The following DMD variants were observed in gnomAD, a reference collection of about 807,000 sequenced individuals.
DMD encodes the protein dystrophin.
DMD carries 63 observed loss-of-function variants against 330.1 expected under a neutral mutation model. The ratio of observed to expected loss-of-function variants is 0.19; its 90% CI spans 0.16 to 0.24. The LOEUF (loss-of-function observed/expected upper bound fraction) is 0.24, where lower values mean the gene tolerates loss of function less well. DMD is among the 10% of genes least tolerant of loss of function. The pLI, the probability that DMD is intolerant of heterozygous loss-of-function variation, is 1.00. For missense variants in DMD, 3,344 were observed against 2,684.1 expected (o/e 1.25, Z -5.43); for synonymous variants, 1,223 against 959.8 (o/e 1.27, Z -5.07).
chrX:31,286,430 G>A (rs1177433503), intron 62 of DMD, among the ~76,000 whole-genome samples: 3 of 112,080 alleles, frequency 2.7e-5, no homozygotes, highest in Admixed American at 9.4e-5. Context: ...GATATAAGAC[G>A]ATAGGTTAAA....
chrX:33,233,394 C>A (rs1195428397), intron 1 of DMD, among the ~76,000 whole-genome samples: 1 of 111,687 alleles, frequency 9.0e-6, no homozygotes, highest in Non-Finnish European at 1.9e-5. Context: ...ACAACAATAT[C>A]TCTCAGTCAG....
chrX:31,132,691 C>T (rs1046194053), intron 77 of DMD, among the ~76,000 whole-genome samples: 4 of 110,772 alleles, frequency 3.6e-5, no homozygotes, highest in African/African-American at 1.3e-4. Flanking sequence ...TCTTTCCATC[C>T]CTACTACCTC....
intron 1 of DMD, among the ~76,000 whole-genome samples, chrX:33,145,988 G>A (rs1260364620): frequency 9.0e-6 from 1 of 110,741 alleles, no homozygotes; most frequent in African/African-American, 3.3e-5. Context: ...CTGGGTTCAA[G>A]CAATTCTCCT....
At chrX:32,641,979 T>A (rs1178660161) in intron 11 of DMD, among the ~76,000 whole-genome samples, 3 of 111,788 alleles carry the variant, frequency 2.7e-5, no homozygotes, top group African/African-American at 6.5e-5. Context: ...TATAATTTAT[T>A]TGAAGCATTA....
rs141897456 is a variant in DMD, at chrX:32,626,774, G to A, written c.1332-12321C>T. Among the ~76,000 whole-genome samples the A allele has an allele frequency of 8.3e-3, 854 of 103,359 alleles. 159 individuals are homozygous for A. The highest frequency in any genetic ancestry group is 0.033 in the African/African-American group (797 of 24,068). 89.8% of individuals were successfully genotyped at this position (103,359 alleles called of 115,157 possible). On this transcript the variant is annotated intron_variant, in intron 11 of 78. Coordinates refer to ENST00000357033, the MANE Select transcript of DMD (RefSeq NM_004006.3). The stretch of plus-strand genomic sequence containing the variant: ...ATGTATACCTATGTATCAAACCTGC[G>A]AGTTGTGCACATGCATCCTAGAAAT...
intron 9 of DMD, among the ~76,000 whole-genome samples, chrX:32,697,471 T>C (rs1455826955): frequency 1.8e-5 from 2 of 111,979 alleles, no homozygotes; most frequent in African/African-American, 3.2e-5. Context: ...TGTATTTCCT[T>C]TACGTAGATC....
chrX:31,942,945 G>A (rs2095026004), intron 45 of DMD, among the ~76,000 whole-genome samples: 1 of 111,905 alleles, frequency 8.9e-6, no homozygotes, highest in South Asian at 3.7e-4. Flanking sequence ...TGTGTGTATG[G>A]GAGGCAGGTT....
rs1336771523 is a variant in DMD at position 32,554,981 on chromosome X, G to GAA, written c.1993-9648_1993-9647insTT. 1.5e-3 allele frequency among the ~76,000 whole-genome samples: 164 copies of GAA among 106,014 alleles called. 1 individual carries two copies. Among genetic ancestry groups the GAA allele is most frequent in the African/African-American group, 5.2e-3 (152 of 29,482 alleles). The allele number at this position is 106,014 out of a possible 115,157, so 92.1% of individuals were successfully genotyped here. On this transcript the variant is annotated intron_variant, in intron 16 of 78. Transcript: ENST00000357033. ...AGAGAAAGAAAGAGAGAGAGAGAGAGAGAAAGAAAGAGAGAAAGAAAGAAA... is the reference window on the plus strand; with the variant it reads ...AGAGAAAGAAAGAGAGAGAGAGAGAGAAAGAAAGAAAGAGAGAAAGAAAGAAA...
intron 62 of DMD, among the ~76,000 whole-genome samples, chrX:31,307,983 G>A (rs2055175890): frequency 9.0e-6 from 1 of 111,375 alleles, no homozygotes; most frequent in Non-Finnish European, 1.9e-5. Flanking sequence ...CAGATCATCA[G>A]GCATTAGTTT....
In DMD at chrX:31,249,645, G is replaced by T. The variant is rs2049154806; in HGVS notation, c.9286+11310C>A. Among the ~76,000 whole-genome samples the T allele has an allele frequency of 4.5e-5, 5 of 111,307 alleles. No individual in the cohort carries two copies. In the South Asian group the frequency reaches 1.9e-3, roughly 42 times the overall value. Reference sequence around the variant, plus strand: ...CTTTCCAAAAGTTAGGATAAATTGTGATCAGGTGATCTTTATCACCTTGGT... The same window carrying T: ...CTTTCCAAAAGTTAGGATAAATTGTTATCAGGTGATCTTTATCACCTTGGT... On this transcript the variant is annotated intron_variant, in intron 63 of 78. Transcript: ENST00000357033.
intron 39 of DMD, among the ~76,000 whole-genome samples, chrX:32,344,750 T>C (rs1057433086): frequency 9.0e-6 from 1 of 111,638 alleles, no homozygotes; most frequent in Non-Finnish European, 1.9e-5. Context: ...GAATGCCAGA[T>C]GACCATTAAA....
At chrX:32,883,823 CAAAAAAAAAAAAAAA>C (rs56150142) in intron 2 of DMD, among the ~76,000 whole-genome samples, 29 of 30,339 alleles carry the variant, frequency 9.6e-4, no homozygotes, top group African/African-American at 3.0e-3. Flanking sequence ...GACTCTGTTT[CAAAAAAAAAAAAAAA>C]AAAAAAAAAA....
In DMD at chrX:32,472,176, G is replaced by A. The variant is rs774450833; in HGVS notation, c.2937C>T (p.Leu979=). ...AATATTCACAGACCTGCAATTCCCC[G>A]AGTCTCTGCTCCATGATTTCATAGT... ...VTDYEIMEQR[L]GELQALQSSL... The change falls in exon 22 of 79, where the codon CTC becomes CTT. Residue 979 remains leucine (L), a synonymous_variant. Transcript: ENST00000357033. 6.6e-6 allele frequency: 8 copies of A among 1,209,239 alleles called. No homozygotes were observed. In the African/African-American group the frequency reaches 1.1e-4, roughly 16 times the overall value.
At chrX:31,954,805 T>C (rs1287908439) in intron 45 of DMD, among the ~76,000 whole-genome samples, 1 of 110,165 alleles carries the variant, frequency 9.1e-6, no homozygotes, top group East Asian at 2.8e-4. Context: ...AACTGTATAC[T>C]TAAAAATGGT....
rs200765962 is a variant in DMD at position 31,425,816 on chromosome X, GA to G, written c.9084+18664del. 5.8e-3 allele frequency among the ~76,000 whole-genome samples: 647 copies of G among 111,135 alleles called. 7 individuals are homozygous for G. The highest frequency in any genetic ancestry group is 0.016 in the African/African-American group (473 of 30,479). The stretch of plus-strand genomic sequence containing the variant: ...TGGGAAGCCATCTTGGGACCATGAG[GA>G]AAAAGACAAGAGAATCCCAGAGAAG... On this transcript the variant is annotated intron_variant, in intron 60 of 78. Transcript: ENST00000357033.
intron 34 of DMD, among the ~76,000 whole-genome samples, chrX:32,377,408 C>T (rs1329910690): frequency 9.0e-6 from 1 of 111,520 alleles, no homozygotes; most frequent in Non-Finnish European, 1.9e-5. Flanking sequence ...TTTGAGTTGT[C>T]GATGGTGAGT....
chrX:31,414,415 G>T (rs2061778722), intron 60 of DMD, among the ~76,000 whole-genome samples: 3 of 112,126 alleles, frequency 2.7e-5, no homozygotes, highest in Admixed American at 1.9e-4. Flanking sequence ...GCCAAGTAGT[G>T]AACATACAGC....
At chrX:31,124,814 A>C (rs2033397015) in intron 78 of DMD, among the ~76,000 whole-genome samples, 2 of 111,959 alleles carry the variant, frequency 1.8e-5, no homozygotes, top group Admixed American at 9.5e-5. Flanking sequence ...CCAAGACCTC[A>C]ATAGCAATCT....
intron 44 of DMD, among the ~76,000 whole-genome samples, chrX:32,209,791 T>G (rs1030387172): frequency 8.9e-6 from 1 of 111,957 alleles, no homozygotes; most frequent in Non-Finnish European, 1.9e-5. Context: ...GTTTTTTTGT[T>G]CTTGCTTCTT....
Sources: allele counts gnomAD v4.1 joint callset (sites outside exome capture counted in the v4.1 genomes callset), GRCh38; gene constraint gnomAD v4.1.1; transcripts MANE v1.5; gene names NCBI Gene and HGNC (gene_info 2026-07-23, HGNC 2026-07-21).